PCYOX1L: variants seen among roughly 807,000 people sequenced by gnomAD.
PCYOX1L encodes the protein prenylcysteine oxidase 1-like.
In PCYOX1L, 40 loss-of-function variants were observed where a neutral mutation model predicts 44.1. The ratio of observed to expected loss-of-function variants is 0.91; its 90% CI spans 0.70 to 1.18. The LOEUF (loss-of-function observed/expected upper bound fraction) is 1.18. Ranked by LOEUF, PCYOX1L falls within the 50% of genes most tolerant of loss-of-function variation. The pLI is 0.00. For synonymous variants in PCYOX1L, 266 were observed against 282.8 expected (o/e 0.94, Z 0.60); for missense variants, 605 against 653.3 (o/e 0.93, Z 0.81).
chr5:149,359,092 T>C (rs560943329), intron 1 of PCYOX1L, among the ~76,000 whole-genome samples: 1 of 152,296 alleles, frequency 6.6e-6, no homozygotes, highest in East Asian at 1.9e-4. Context: ...CAACTGTCAT[T>C]TTAACTACAT....
intron 4 of PCYOX1L, 112 bp downstream of exon 4, chr5:149,366,265 A>G (rs1758203478): frequency 3.6e-6 from 4 of 1,104,660 alleles, no homozygotes; most frequent in Admixed American, 4.3e-5. Context: ...TTGCAGTCAC[A>G]TAGGCACTCT....
At chr5:149,367,288 G>C in intron 4 of PCYOX1L, 72 bp from the exon 5 acceptor site, 1 of 1,539,420 alleles carries the variant, frequency 6.5e-7, no homozygotes, top group East Asian at 2.3e-5. Context: ...CAGTCGAATA[G>C]TACTGGACTC....
At position 149,364,044 on chromosome 5, in the gene PCYOX1L, C is replaced by G; in HGVS notation, c.304C>G (p.His102Asp). 1 of 1,613,868 alleles carries G rather than the reference C, an allele frequency of 6.2e-7. No homozygotes were observed. The highest frequency in any genetic ancestry group is 8.5e-7 in the Non-Finnish European group (1 of 1,179,888). The part of the protein sequence containing the change: ...QDFVKLLGLR[H>D]RREVVGRSAI... ...CCTCTTTGTCTCTGCAGGGCTGAGGCACCGGCGCGAGGTGGTGGGCAGGAG... is the reference window on the plus strand; with the variant it reads ...CCTCTTTGTCTCTGCAGGGCTGAGGGACCGGCGCGAGGTGGTGGGCAGGAG... Residue 102 changes from histidine to aspartate, a missense_variant, in exon 3 of 6, where the codon CAC becomes GAC. His to Asp is a moderately conservative substitution (Grantham distance 81). Coordinates refer to ENST00000274569, the MANE Select transcript of PCYOX1L (RefSeq NM_024028.4).
intron 5 of PCYOX1L, 76 bp downstream of exon 5, chr5:149,367,576 T>C (rs998003438): frequency 1.1e-5 from 18 of 1,565,468 alleles, no homozygotes; most frequent in Non-Finnish European, 1.5e-5. Flanking sequence ...CCTTTGTACC[T>C]CAGCCCTGGT....
intron 1 of PCYOX1L, among the ~76,000 whole-genome samples, chr5:149,359,195 T>G (rs1430041111): frequency 6.6e-6 from 1 of 152,200 alleles, no homozygotes; most frequent in East Asian, 1.9e-4. Context: ...TCTATTCCGC[T>G]AGGCCACTCT....
intron 1 of PCYOX1L, chr5:149,362,270 A>C (rs1186444608): frequency 3.5e-6 from 1 of 289,430 alleles, no homozygotes; most frequent in African/African-American, 2.2e-5. Flanking sequence ...AGAACTGGTC[A>C]GTAACTTTTA....
intron 1 of PCYOX1L, among the ~76,000 whole-genome samples, chr5:149,361,071 G>C (rs1757994284): frequency 6.6e-6 from 1 of 152,208 alleles, no homozygotes; most frequent in Non-Finnish European, 1.5e-5. Context: ...GTCCAGTTCA[G>C]TAGCTTCATA....
In PCYOX1L at chr5:149,364,022, C is replaced by G. The variant is rs765476673; in HGVS notation, c.296-14C>G. The G allele has an allele frequency of 8.1e-6, 13 of 1,613,180 alleles. No individual in the cohort carries two copies. In the South Asian group the frequency reaches 1.4e-4, roughly 18 times the overall value. On this transcript the variant is annotated splice_polypyrimidine_tract_variant and intron_variant, in intron 2 of 5. Coordinates refer to ENST00000274569, the MANE Select transcript of PCYOX1L (RefSeq NM_024028.4). The stretch of plus-strand genomic sequence containing the variant: ...CTTGGAGGGGACCTGAGGGGCTCCT[C>G]TTTGTCTCTGCAGGGCTGAGGCACC...
intron 2 of PCYOX1L, 146 bp downstream of exon 2, chr5:149,362,989 G>A (rs1254811077): frequency 1.0e-6 from 1 of 970,166 alleles, no homozygotes; most frequent in African/African-American, 1.6e-5. Context: ...AAACAAGAGA[G>A]GGGAAGGAAC....
At position 149,364,526 on chromosome 5, in the gene PCYOX1L, G is replaced by A. The variant is rs535643493; in HGVS notation, c.470+316G>A. The A allele has an allele frequency of 1.1e-5, 3 of 263,662 alleles. No individual in the cohort carries two copies. The South Asian group carries it at 1.7e-4, about 15-fold the overall frequency. The allele number at this position is 263,662 out of a possible 1,614,324, so 16.3% of individuals were successfully genotyped here. A position where few individuals can be genotyped will look rare whatever the true frequency, so the allele number is the denominator to read the frequency against. ...ATGCGAGTCAGTGAATCAGCAGGTG[G>A]AAGAGAGCAGAACAAGGCCCCCTCT... On this transcript the variant is annotated intron_variant, in intron 3 of 5. Transcript: ENST00000274569.
In PCYOX1L at chr5:149,369,300, A is replaced by G. The variant is rs920367177; in HGVS notation, c.*646A>G. ...CTGAATAGTCGTCACCATATCTCCA[A>G]GCTTCCTGGCAACCAGTGGGAAAAG... On this transcript the variant is annotated 3_prime_UTR_variant, in exon 6 of 6. Coordinates refer to ENST00000274569, the MANE Select transcript of PCYOX1L (RefSeq NM_024028.4). 6.6e-6 allele frequency: 1 copy of G among 152,226 alleles called. No homozygotes were observed. Among genetic ancestry groups the G allele is most frequent in the Non-Finnish European group, 1.5e-5 (1 of 68,036 alleles). 9.4% of individuals were successfully genotyped at this position (152,226 alleles called of 1,614,324 possible).
chr5:149,361,546 A>G (rs1235915847), intron 1 of PCYOX1L, among the ~76,000 whole-genome samples: 2 of 152,368 alleles, frequency 1.3e-5, no homozygotes, highest in Admixed American at 6.5e-5. Context: ...GATAAGACCC[A>G]AAAAAGCTGA....
chr5:149,358,239 G>T, intron 1 of PCYOX1L, 83 bp downstream of exon 1: 1 of 1,292,120 alleles, frequency 7.7e-7, no homozygotes, highest in Non-Finnish European at 9.8e-7. Flanking sequence ...GTGGGGTATA[G>T]GAGGGCGGCT....
At chr5:149,361,215 C>G (rs1758000610) in intron 1 of PCYOX1L, among the ~76,000 whole-genome samples, 1 of 152,146 alleles carries the variant, frequency 6.6e-6, no homozygotes, top group African/African-American at 2.4e-5. Context: ...TCAAGACCAG[C>G]CTGGGCAACA....
intron 1 of PCYOX1L, chr5:149,362,358 G>C (rs1054156642): frequency 8.7e-6 from 4 of 461,794 alleles, no homozygotes; most frequent in Non-Finnish European, 1.6e-5. Flanking sequence ...TCTTTAATTG[G>C]TCATCCTGAC....
intron 1 of PCYOX1L, among the ~76,000 whole-genome samples, chr5:149,359,151 G>C (rs935004103): frequency 2.0e-5 from 3 of 152,068 alleles, no homozygotes; most frequent in Admixed American, 1.3e-4. Flanking sequence ...CCCACAGGCA[G>C]AGATCCTGGG....
At chr5:149,365,651 A>C in intron 3 of PCYOX1L, 1 of 461,460 alleles carries the variant, frequency 2.2e-6, no homozygotes, top group Non-Finnish European at 4.0e-6. Context: ...GTTATGAACT[A>C]TGACCTCAGG....
At position 149,364,133 on chromosome 5, in the gene PCYOX1L, C is replaced by A; in HGVS notation, c.393C>A (p.Phe131Leu). The change falls in exon 3 of 6, where the codon TTC becomes TTA. Residue 131 changes from phenylalanine to leucine, a missense_variant. Coordinates refer to ENST00000274569, the MANE Select transcript of PCYOX1L (RefSeq NM_024028.4). Reference sequence around the variant, plus strand: ...CTGACTGGTACCTGCTGAACCTCTTCCGCCTCTGGTGGCACTATGGCATCA... The same window carrying A: ...CTGACTGGTACCTGCTGAACCTCTTACGCCTCTGGTGGCACTATGGCATCA... ...EETDWYLLNL[F>L]RLWWHYGISF... 1 of 1,614,164 alleles carries A rather than the reference C, an allele frequency of 6.2e-7. No individual in the cohort carries two copies. Among genetic ancestry groups the A allele is most frequent in the Non-Finnish European group, 8.5e-7 (1 of 1,180,028 alleles).
In PCYOX1L at chr5:149,364,135, G is replaced by T; in HGVS notation, c.395G>T (p.Arg132Leu). ...ETDWYLLNLF[R>L]LWWHYGISFL... is the part of the protein sequence containing the mutation. ...GACTGGTACCTGCTGAACCTCTTCC[G>T]CCTCTGGTGGCACTATGGCATCAGC... Residue 132 changes from arginine (R) to leucine (L), a missense_variant, in exon 3 of 6, where the codon CGC (arginine) becomes CTC (leucine). Coordinates refer to ENST00000274569, the MANE Select transcript of PCYOX1L (RefSeq NM_024028.4). The T allele has an allele frequency of 6.2e-7, 1 of 1,614,146 alleles. No homozygotes were observed. The highest frequency in any genetic ancestry group is 8.5e-7 in the Non-Finnish European group (1 of 1,180,034).
Sources: allele counts gnomAD v4.1 joint callset (sites outside exome capture counted in the v4.1 genomes callset), GRCh38; gene constraint gnomAD v4.1.1; transcripts MANE v1.5; gene names NCBI Gene and HGNC (gene_info 2026-07-23, HGNC 2026-07-21).